VWA5A: variants seen among roughly 807,000 people sequenced by gnomAD.
The protein encoded by VWA5A is von Willebrand factor A domain-containing protein 5A.
In VWA5A, 77 loss-of-function variants were observed where a neutral mutation model predicts 84.6. That is an observed-to-expected ratio of 0.91 (90% CI 0.76 to 1.10). The LOEUF (loss-of-function observed/expected upper bound fraction) is 1.10, where lower values mean the gene tolerates loss of function less well. Among genes scored for constraint, VWA5A ranks in the 50% least tolerant of loss-of-function variants. VWA5A has a pLI of 0.00. For missense variants in VWA5A, 973 were observed against 963.0 expected (o/e 1.01, Z -0.14); for synonymous variants, 334 against 350.1 (o/e 0.95, Z 0.51).
chr11:124,144,601 T>A (rs78761356), intron 17 of VWA5A, among the ~76,000 whole-genome samples: 1 of 152,120 alleles, frequency 6.6e-6, no homozygotes, highest in Non-Finnish European at 1.5e-5. Context: ...TTAAAAGTCA[T>A]GATATAAAAT....
In VWA5A at chr11:124,124,304, G is replaced by C. The variant is rs765887577; in HGVS notation, c.1232G>C (p.Arg411Thr). The stretch of plus-strand genomic sequence containing the variant: ...GTAATTAAAGAAGTTAGGATCAACA[G>C]ACAGAAACACAGGTAGGAAGAAAAT... ...FSVIKEVRIN[R>T]QKHRCFSFGI... Residue 411 changes from arginine (R) to threonine (T), a missense_variant, in exon 11 of 19, where the codon AGA becomes ACA. Coordinates refer to ENST00000456829, the MANE Select transcript of VWA5A (RefSeq NM_001130142.2). 1.2e-6 allele frequency: 2 copies of C among 1,614,036 alleles called. No individual in the cohort carries two copies. Among genetic ancestry groups the C allele is most frequent in the Non-Finnish European group, 1.7e-6 (2 of 1,179,958 alleles).
chr11:124,123,282 C>G, intron 8 of VWA5A, 84 bp from the exon 9 acceptor site: 1 of 1,520,932 alleles, frequency 6.6e-7, no homozygotes, highest in South Asian at 1.2e-5. Context: ...GGGGATGGCC[C>G]ACATCCTCAA....
chr11:124,121,185 C>T (rs1031055409), intron 7 of VWA5A, among the ~76,000 whole-genome samples: 1 of 152,108 alleles, frequency 6.6e-6, no homozygotes, highest in Non-Finnish European at 1.5e-5. Context: ...ATTTGTTTTA[C>T]AGACTTAGAA....
intron 7 of VWA5A, 53 bp downstream of exon 7, chr11:124,119,142 G>A (rs1207361859): frequency 1.4e-6 from 2 of 1,480,890 alleles, no homozygotes; most frequent in Non-Finnish European, 1.9e-6. Context: ...TCCCTGTCTT[G>A]GAATTACTGT....
chr11:124,123,098 A>G lies in VWA5A; in HGVS notation c.899A>G (p.Asp300Gly), dbSNP rs755002048. The G allele has an allele frequency of 2.5e-6, 4 of 1,613,516 alleles. No homozygotes were observed. Among genetic ancestry groups the G allele is most frequent in the East Asian group, 2.2e-5 (1 of 44,880 alleles). Residue 300 changes from aspartate (D) to glycine (G), a missense_variant, in exon 8 of 19, where the codon GAT becomes GGT. Coordinates refer to ENST00000456829, the MANE Select transcript of VWA5A (RefSeq NM_001130142.2). Reference protein sequence around the residue: ...GSMQSPMSSQDTSQLRIQAAK... With the variant: ...GSMQSPMSSQGTSQLRIQAAK... ...ATGCAGAGCCCCATGAGTAGCCAGG[A>G]TACATCTCAGCTGCGAATACAGGCA...
intron 12 of VWA5A, among the ~76,000 whole-genome samples, 195 bp from the exon 13 acceptor site, chr11:124,135,934 G>A (rs1466715435): frequency 6.6e-6 from 1 of 151,930 alleles, no homozygotes; most frequent in South Asian, 2.1e-4. Context: ...TTACATTTAC[G>A]TTACTAAATA....
At chr11:124,131,827 G>C (rs1169058229) in intron 11 of VWA5A, among the ~76,000 whole-genome samples, 1 of 150,138 alleles carries the variant, frequency 6.7e-6, no homozygotes, top group Non-Finnish European at 1.5e-5. Context: ...TTCCCTTCTG[G>C]ATTAGCCTGG....
intron 14 of VWA5A, 69 bp from the exon 15 acceptor site, chr11:124,136,946 G>A: frequency 6.5e-7 from 1 of 1,545,758 alleles, no homozygotes; most frequent in East Asian, 2.2e-5. Context: ...CTAACTTTTA[G>A]GAGCCCTGAG....
At chr11:124,137,801 C>T (rs1860640434) in intron 15 of VWA5A, among the ~76,000 whole-genome samples, 1 of 152,182 alleles carries the variant, frequency 6.6e-6, no homozygotes, top group Admixed American at 6.5e-5. Context: ...AATCACTTAC[C>T]TACTTTCTAT....
At chr11:124,123,555 G>T in intron 9 of VWA5A, 101 bp downstream of exon 9, 1 of 1,607,738 alleles carries the variant, frequency 6.2e-7, no homozygotes. Context: ...GGCATTGGGG[G>T]TTTCGGATAA....
At chr11:124,126,644 C>A (rs1442204043) in intron 11 of VWA5A, among the ~76,000 whole-genome samples, 1 of 151,948 alleles carries the variant, frequency 6.6e-6, no homozygotes, top group Non-Finnish European at 1.5e-5. Flanking sequence ...CCTGTAATCC[C>A]AGCTATCAGG....
Position 124,124,285 on chromosome 11 carries a change from A to T in VWA5A, c.1213A>T (p.Lys405Ter), listed in dbSNP as rs762282155. The T allele has an allele frequency of 1.2e-5, 20 of 1,614,016 alleles. No individual in the cohort carries two copies. The South Asian group carries it at 2.2e-4, about 18-fold the overall frequency. Reference sequence around the variant, plus strand: ...AGTTACAGACACGTTTAGTGTAATTAAAGAAGTTAGGATCAACAGACAGAA... The same window carrying T: ...AGTTACAGACACGTTTAGTGTAATTTAAGAAGTTAGGATCAACAGACAGAA... ...GEVTDTFSVI[K>*]EVRINRQKHR... The change falls in exon 11 of 19, where the codon AAA becomes TAA. Residue 405 changes from lysine (K) to a stop codon, truncating the protein, a stop_gained. Transcript: ENST00000456829. LOFTEE classifies it high-confidence loss of function.
intron 7 of VWA5A, 121 bp from the exon 8 acceptor site, chr11:124,122,839 A>G (rs1591357740): frequency 1.0e-6 from 1 of 978,986 alleles, no homozygotes. Context: ...TACATGAATC[A>G]TCACAGTGTT....
At chr11:124,130,220 C>A (rs1865077035) in intron 11 of VWA5A, among the ~76,000 whole-genome samples, 1 of 152,150 alleles carries the variant, frequency 6.6e-6, no homozygotes, top group African/African-American at 2.4e-5. Flanking sequence ...TTATTTCTGC[C>A]TTAACTTTGT....
Position 124,123,089 on chromosome 11 carries a change from G to C in VWA5A, c.890G>C (p.Ser297Thr), listed in dbSNP as rs751451998. 6.2e-7 allele frequency: 1 copy of C among 1,614,004 alleles called. No individual in the cohort carries two copies. Among genetic ancestry groups the C allele is most frequent in the Non-Finnish European group, 8.5e-7 (1 of 1,180,012 alleles). ...TCGGGAAGTATGCAGAGCCCCATGA[G>C]TAGCCAGGATACATCTCAGCTGCGA... Reference protein sequence around the residue: ...DRSGSMQSPMSSQDTSQLRIQ... With the variant: ...DRSGSMQSPMTSQDTSQLRIQ... The change falls in exon 8 of 19, where the codon AGT becomes ACT. Residue 297 changes from serine to threonine, a missense_variant. By Grantham distance (58) the Ser-to-Thr change is moderately conservative. Transcript: ENST00000456829.
chr11:124,118,487 T>C (rs1864875683), intron 5 of VWA5A, 46 bp from the exon 6 acceptor site: 1 of 1,611,284 alleles, frequency 6.2e-7, no homozygotes, highest in Non-Finnish European at 8.5e-7. Flanking sequence ...GAGAGTGTCA[T>C]AAAAAGTGTT....
chr11:124,115,909 C>G (rs1864820458), intron 1 of VWA5A: 1 of 152,242 alleles, frequency 6.6e-6, no homozygotes, highest in African/African-American at 2.4e-5. Context: ...AAGAGACCGA[C>G]GCAGTCTCTT....
Position 124,134,167 on chromosome 11 carries a change from A to G in VWA5A, c.1245-753A>G, listed in dbSNP as rs1865138284. Among the ~76,000 whole-genome samples, 3 of 152,268 alleles carry G rather than the reference A, an allele frequency of 2.0e-5. No homozygotes were observed. In the South Asian group the frequency reaches 6.2e-4, roughly 31 times the overall value. On this transcript the variant is annotated intron_variant, in intron 11 of 18. Transcript: ENST00000456829. ...GTATTTAGGAAGTATTGTTACACGT[A>G]GGTCCAGTTAGAAGTCTGTTCCTGA...
rs1318438370 is a variant in VWA5A at position 124,118,418 on chromosome 11, A to G, written c.469+7A>G. ...CCTAGATACCAGTTCTCTGGTGAGT[A>G]CCTCTCCCCTTTGAATTCTAGTGGT... On this transcript the variant is annotated splice_region_variant and intron_variant, in intron 5 of 18. Coordinates refer to ENST00000456829, the MANE Select transcript of VWA5A (RefSeq NM_001130142.2). 1 of 1,613,590 alleles carries G rather than the reference A, an allele frequency of 6.2e-7. No homozygotes were observed. Among genetic ancestry groups the G allele is most frequent in the Non-Finnish European group, 8.5e-7 (1 of 1,179,646 alleles).
Sources: allele counts gnomAD v4.1 joint callset (sites outside exome capture counted in the v4.1 genomes callset), GRCh38; gene constraint gnomAD v4.1.1; transcripts MANE v1.5; gene names NCBI Gene and HGNC (gene_info 2026-07-23, HGNC 2026-07-21).